Variants in CPED1 observed in about 807,000 individuals in gnomAD.
CPED1 encodes the protein cadherin like and PC-esterase domain containing 1, also known as cadherin-like and PC-esterase domain-containing protein 1.
Under a neutral mutation model 128.2 loss-of-function variants are expected in CPED1, and 114 were observed. The ratio of observed to expected loss-of-function variants is 0.89; its 90% confidence interval spans 0.76 to 1.04. The LOEUF (loss-of-function observed/expected upper bound fraction) is 1.04, where lower values mean the gene tolerates loss of function less well. CPED1 is among the 50% of genes least tolerant of loss of function. The pLI is 0.00. For missense variants in CPED1, 1,211 were observed against 1,207.1 expected (o/e 1.00, Z -0.05); for synonymous variants, 462 against 426.7 (o/e 1.08, Z -1.02).
chr7:121,120,650 C>T (rs1161929417), intron 7 of CPED1, among the ~76,000 whole-genome samples: 1 of 152,072 alleles, frequency 6.6e-6, no homozygotes. Context: ...CTTTCATCCT[C>T]CATTCTAACT....
intron 5 of CPED1, among the ~76,000 whole-genome samples, chr7:121,069,621 G>T (rs561994932): frequency 6.6e-6 from 1 of 152,146 alleles, no homozygotes; most frequent in Admixed American, 6.5e-5. Flanking sequence ...CACATCCACG[G>T]AATTTTTACT....
chr7:121,198,366 C>T (rs555652183), intron 16 of CPED1, among the ~76,000 whole-genome samples: 5 of 152,128 alleles, frequency 3.3e-5, no homozygotes, highest in South Asian at 4.2e-4. Context: ...TGGTTACATT[C>T]GGTATGGTTT....
At chr7:121,063,371 T>A (rs1202517710) in intron 4 of CPED1, among the ~76,000 whole-genome samples, 2 of 26,854 alleles carry the variant, frequency 7.4e-5, no homozygotes, top group Non-Finnish European at 7.6e-5. Context: ...ATTTTGCAAA[T>A]GAAGAAACTG....
intron 16 of CPED1, among the ~76,000 whole-genome samples, chr7:121,184,140 C>CA (rs35308653): frequency 0.51 from 72,345 of 141,174 alleles, 19,080 homozygotes; most frequent in East Asian, 0.88. Flanking sequence ...GACTCTGTCT[C>CA]AAAAAAAAAA....
At chr7:121,283,048 A>G (rs1792493563) in intron 22 of CPED1, among the ~76,000 whole-genome samples, 1 of 152,202 alleles carries the variant, frequency 6.6e-6, no homozygotes, top group Non-Finnish European at 1.5e-5. Context: ...CACTATAACA[A>G]TTAAAAATAA....
intron 7 of CPED1, among the ~76,000 whole-genome samples, chr7:121,112,100 A>T: frequency 6.6e-6 from 1 of 152,258 alleles, no homozygotes; most frequent in South Asian, 2.1e-4. Flanking sequence ...TCCGCTACAC[A>T]GTGGCAGTTT....
In CPED1 at chr7:120,988,879, C is replaced by T. The variant is rs1796264296; in HGVS notation, c.-265C>T. Reference sequence around the variant, plus strand: ...GCAATCCATTAGGAAATCATGGAAACTTTTTTTTTCCTGGCTAAAAGGATG... The same window carrying T: ...GCAATCCATTAGGAAATCATGGAAATTTTTTTTTTCCTGGCTAAAAGGATG... On this transcript the variant is annotated 5_prime_UTR_variant, in exon 1 of 23. Coordinates refer to ENST00000310396, the MANE Select transcript of CPED1 (RefSeq NM_024913.5). The T allele has an allele frequency of 6.6e-6, 1 of 151,700 alleles. No individual in the cohort carries two copies. The highest frequency in any genetic ancestry group is 1.5e-5 in the Non-Finnish European group (1 of 67,896). The allele number at this position is 151,700 out of a possible 1,614,324, so 9.4% of individuals were successfully genotyped here.
intron 4 of CPED1, among the ~76,000 whole-genome samples, chr7:121,063,869 T>C (rs1349521178): frequency 6.6e-6 from 1 of 152,212 alleles, no homozygotes; most frequent in African/African-American, 2.4e-5. Flanking sequence ...AGAATGTTTA[T>C]GAAATTTTGG....
chr7:121,043,724 T>G (rs1793118129), intron 3 of CPED1, among the ~76,000 whole-genome samples: 1 of 152,142 alleles, frequency 6.6e-6, no homozygotes, highest in Non-Finnish European at 1.5e-5. Flanking sequence ...AGTCACTGCC[T>G]TGTAGGATAT....
chr7:121,162,432 A>G (rs983738555), intron 16 of CPED1, among the ~76,000 whole-genome samples: 1 of 152,226 alleles, frequency 6.6e-6, no homozygotes, highest in Non-Finnish European at 1.5e-5. Context: ...GATTCCGCAC[A>G]GAGAACATCA....
At chr7:121,034,260 T>TC (rs1193519962) in intron 3 of CPED1, among the ~76,000 whole-genome samples, 2 of 146,168 alleles carry the variant, frequency 1.4e-5, no homozygotes, top group African/African-American at 2.5e-5. Flanking sequence ...TTTTTTTTTT[T>TC]TTTTTGAGAT....
chr7:121,186,475 T>A (rs899034566), intron 16 of CPED1, among the ~76,000 whole-genome samples: 1 of 152,080 alleles, frequency 6.6e-6, no homozygotes, highest in Non-Finnish European at 1.5e-5. Flanking sequence ...CCAATATAAT[T>A]TTTTAATTTC....
chr7:121,277,309 T>G (rs1792348979), intron 22 of CPED1, among the ~76,000 whole-genome samples: 1 of 152,042 alleles, frequency 6.6e-6, no homozygotes, highest in Non-Finnish European at 1.5e-5. Context: ...GAGTTGCCTG[T>G]AGGACATCCA....
intron 16 of CPED1, among the ~76,000 whole-genome samples, chr7:121,201,498 G>C (rs1797397154): frequency 6.6e-6 from 1 of 151,260 alleles, no homozygotes; most frequent in Non-Finnish European, 1.5e-5. Flanking sequence ...GAGAGAGAGA[G>C]AGAAGGAAAG....
rs558727037 is a variant in CPED1, at chr7:121,204,714, A to T, written c.2056-32000A>T. The stretch of plus-strand genomic sequence containing the variant: ...GAGTGGAAAGAATTATAAACAGAAC[A>T]TTACAGCTTCATTAAGCCCATGATG... On this transcript the variant is annotated intron_variant, in intron 16 of 22. Transcript: ENST00000310396. 9.9e-5 allele frequency among the ~76,000 whole-genome samples: 15 copies of T among 152,248 alleles called. No homozygotes were observed. The East Asian group carries it at 2.5e-3, about 26-fold the overall frequency.
At chr7:121,059,278 C>A (rs984533157) in intron 4 of CPED1, among the ~76,000 whole-genome samples, 1 of 151,978 alleles carries the variant, frequency 6.6e-6, no homozygotes, top group African/African-American at 2.4e-5. Flanking sequence ...TTAAAGCATC[C>A]CAGGGAATTT....
In CPED1 at chr7:121,264,472, G is replaced by A. The variant is rs577450113; in HGVS notation, c.2311-1755G>A. On this transcript the variant is annotated intron_variant, in intron 18 of 22. Transcript: ENST00000310396. ...GTTCCAAATGCAACCTGGCTGAGAG[G>A]ATCTATGACTGAGTCCTTGAAATCT... Among the ~76,000 whole-genome samples, 66 of 152,144 alleles carry A rather than the reference G, an allele frequency of 4.3e-4. 1 individual carries two copies. In the South Asian group the frequency reaches 0.013, roughly 30 times the overall value.
At chr7:121,231,071 A>G (rs1456590239) in intron 16 of CPED1, among the ~76,000 whole-genome samples, 9 of 152,070 alleles carry the variant, frequency 5.9e-5, no homozygotes, top group Non-Finnish European at 1.0e-4. Context: ...AAGATGAATG[A>G]TATCTCCCAG....
intron 21 of CPED1, among the ~76,000 whole-genome samples, chr7:121,270,823 ATTCTT>A (rs1212645600): frequency 6.6e-6 from 1 of 151,922 alleles, no homozygotes; most frequent in East Asian, 1.9e-4. Flanking sequence ...TGTTGGCTTT[ATTCTT>A]TTTGTTTAAG....
Sources: gnomAD v4.1 joint callset for allele counts (sites outside exome capture counted in the v4.1 genomes callset) on GRCh38, gnomAD v4.1.1 for gene constraint, MANE v1.5 for transcripts, NCBI Gene and HGNC (gene_info 2026-07-23, HGNC 2026-07-21) for gene names.